PIEZO1: variants seen among roughly 807,000 people sequenced by gnomAD.
PIEZO1 encodes piezo type mechanosensitive ion channel component 1 (Er blood group), also known as piezo-type mechanosensitive ion channel component 1.
PIEZO1 carries 296 observed loss-of-function variants against 297.2 expected under a neutral mutation model. The observed-to-expected ratio is 1.00, with a 90% confidence interval of 0.91 to 1.10. The LOEUF (loss-of-function observed/expected upper bound fraction) is 1.10. Ranked by LOEUF, PIEZO1 falls within the 50% of genes least tolerant of loss-of-function variation. PIEZO1 has a pLI of 0.00. For missense variants in PIEZO1, 5,018 were observed against 3,455.5 expected (o/e 1.45, Z -11.34); for synonymous variants, 2,427 against 1,507.5 (o/e 1.61, Z -14.13).
chr16:88,725,909 A>C (rs1904391277), intron 27 of PIEZO1: 2 of 571,550 alleles, frequency 3.5e-6, no homozygotes, highest in Non-Finnish European at 6.2e-6. Context: ...GGTGGCACCC[A>C]CCCCACCACA....
intron 1 of PIEZO1, among the ~76,000 whole-genome samples, chr16:88,770,240 G>A (rs1207961761): frequency 1.3e-5 from 2 of 152,222 alleles, no homozygotes; most frequent in South Asian, 2.1e-4. Flanking sequence ...ACGCCTGGCA[G>A]GCGGCTCCCA....
At chr16:88,737,181 G>C (rs1205561269) in intron 10 of PIEZO1, 2 of 273,698 alleles carry the variant, frequency 7.3e-6, no homozygotes, top group African/African-American at 2.3e-5. Flanking sequence ...GCCAGCCCCT[G>C]CCCTGGACGA....
chr16:88,721,251 G>C lies in PIEZO1; in HGVS notation c.5583C>G (p.Leu1861=). 1.3e-6 allele frequency: 2 copies of C among 1,542,916 alleles called. No homozygotes were observed. Among genetic ancestry groups the C allele is most frequent in the Non-Finnish European group, 1.7e-6 (2 of 1,146,382 alleles). Reference sequence around the variant, plus strand: ...TGATGCGCCTCGTATCACGGGGCCTGAGCTCCACTTGGGGTTCTGGGGTCC... The same window carrying C: ...TGATGCGCCTCGTATCACGGGGCCTCAGCTCCACTTGGGGTTCTGGGGTCC... ...TDGTPEPQVE[L]RPRDTRRISL... Residue 1861 remains leucine (L), a synonymous_variant, in exon 39 of 51, where the codon CTC becomes CTG. Transcript: ENST00000301015.
intron 10 of PIEZO1, chr16:88,737,085 A>C (rs1449740579): frequency 8.2e-6 from 2 of 243,592 alleles, no homozygotes; most frequent in South Asian, 1.6e-4. Flanking sequence ...CAAAATGGAA[A>C]ATCAAGGGTT....
intron 1 of PIEZO1, among the ~76,000 whole-genome samples, chr16:88,778,561 C>T (rs914849401): frequency 8.5e-5 from 13 of 152,306 alleles, no homozygotes; most frequent in African/African-American, 3.1e-4. Flanking sequence ...TGGCCACGCA[C>T]GTCGGCCTAA....
intron 30 of PIEZO1, among the ~76,000 whole-genome samples, chr16:88,724,526 G>A (rs557495730): frequency 3.3e-4 from 44 of 135,042 alleles, no homozygotes; most frequent in African/African-American, 1.0e-3. Flanking sequence ...GCAAGACACC[G>A]TCTCCAAAAA....
intron 1 of PIEZO1, among the ~76,000 whole-genome samples, chr16:88,769,344 C>A (rs567705048): frequency 6.6e-6 from 1 of 152,216 alleles, no homozygotes; most frequent in East Asian, 1.9e-4. Flanking sequence ...GAGGCCACCA[C>A]GCCCAGAGCA....
intron 44 of PIEZO1, chr16:88,717,479 C>T (rs1324166367): frequency 5.6e-5 from 33 of 593,460 alleles, no homozygotes; most frequent in Admixed American, 9.0e-5. Context: ...GTGCAGGCAC[C>T]GCCCCAGGCA....
intron 5 of PIEZO1, chr16:88,739,543 T>A (rs1033259989): frequency 6.6e-6 from 1 of 152,168 alleles, no homozygotes; most frequent in Non-Finnish European, 1.5e-5. Flanking sequence ...GGCTGGACGA[T>A]AGGCCCCACC....
In PIEZO1 at chr16:88,742,392, A is replaced by G. The variant is rs1394166772; in HGVS notation, c.191T>C (p.Leu64Pro). The change falls in exon 3 of 51, where the codon CTG (leucine) becomes CCG (proline). Residue 64 changes from leucine (L) to proline (P), a missense_variant. Coordinates refer to ENST00000301015, the MANE Select transcript of PIEZO1 (RefSeq NM_001142864.4). ...GHTGRLLRAL[L>P]GLSLLFLVAH... The stretch of plus-strand genomic sequence containing the variant: ...CACCAGGAAGAGCAGGCTGAGGCCC[A>G]GCAATGCCCGCAGGAGGCGGCCTGT... 5 of 1,535,184 alleles carry G rather than the reference A, an allele frequency of 3.3e-6. No individual in the cohort carries two copies. The highest frequency in any genetic ancestry group is 2.7e-5 in the African/African-American group (2 of 73,018).
intron 29 of PIEZO1, 98 bp downstream of exon 29, chr16:88,725,318 C>G: frequency 1.2e-6 from 1 of 805,660 alleles, no homozygotes. Flanking sequence ...GGGCTGGGAG[C>G]CCTGTGGGAC....
chr16:88,779,565 G>A (rs1318693520), intron 1 of PIEZO1, among the ~76,000 whole-genome samples: 1 of 152,248 alleles, frequency 6.6e-6, no homozygotes, highest in African/African-American at 2.4e-5. Flanking sequence ...ACTTCTGGCT[G>A]CTGCCCAGAG....
chr16:88,734,131 C>A (rs1259506634), intron 16 of PIEZO1, 77 bp from the exon 17 acceptor site: 2 of 1,443,206 alleles, frequency 1.4e-6, no homozygotes, highest in Non-Finnish European at 1.8e-6. Flanking sequence ...GAAGCCCTGT[C>A]GGCACCGCTT....
At position 88,720,479 on chromosome 16, in the gene PIEZO1, G is replaced by T. The variant is rs1425848251; in HGVS notation, c.5855C>A (p.Thr1952Asn). Residue 1952 changes from threonine to asparagine, a missense_variant, in exon 41 of 51, where the codon ACC becomes AAC. Coordinates refer to ENST00000301015, the MANE Select transcript of PIEZO1 (RefSeq NM_001142864.4). Reference protein sequence around the residue: ...LRRFFHDILHTKYRAATDVYA... With the variant: ...LRRFFHDILHNKYRAATDVYA... The stretch of plus-strand genomic sequence containing the variant: ...GACGTCGGTGGCTGCGCGGTACTTG[G>T]TGTGCAGGATGTCGTGGAAGAAGCG... 1.3e-6 allele frequency: 2 copies of T among 1,550,300 alleles called. No individual in the cohort carries two copies. Among genetic ancestry groups the T allele is most frequent in the African/African-American group, 2.7e-5 (2 of 73,028 alleles).
chr16:88,773,048 C>T (rs529883403), intron 1 of PIEZO1, among the ~76,000 whole-genome samples: 3 of 152,362 alleles, frequency 2.0e-5, no homozygotes, highest in African/African-American at 7.2e-5. Flanking sequence ...CACCCAGAAG[C>T]TTCTGGCACT....
Position 88,784,945 on chromosome 16 carries a change from C to T in PIEZO1, c.20G>A (p.Gly7Asp). Residue 7 changes from glycine (G) to aspartate (D), a missense_variant, in exon 1 of 51, where the codon GGC (glycine) becomes GAC (aspartate). Coordinates refer to ENST00000301015, the MANE Select transcript of PIEZO1 (RefSeq NM_001142864.4). The part of the protein sequence containing the change: MEPHVL[G>D]AVLYWLLLPC... ...CAGCAGCAGCCAGTACAGGACCGCG[C>T]CGAGCACGTGCGGCTCCATGGCTGG... The T allele has an allele frequency of 7.2e-7, 1 of 1,392,276 alleles. No individual in the cohort carries two copies. The highest frequency in any genetic ancestry group is 9.4e-7 in the Non-Finnish European group (1 of 1,065,332). 86.2% of individuals were successfully genotyped at this position (1,392,276 alleles called of 1,614,324 possible).
At chr16:88,753,903 A>G (rs1467133785) in intron 1 of PIEZO1, among the ~76,000 whole-genome samples, 1 of 152,174 alleles carries the variant, frequency 6.6e-6, no homozygotes, top group Non-Finnish European at 1.5e-5. Context: ...GAAGGAAGAA[A>G]TTCAGCCAAA....
chr16:88,720,161 G>A lies in PIEZO1; in HGVS notation c.6072C>T (p.Arg2024=), dbSNP rs1249123109. ...AGGCCAGCTTGCCCAGCACGGTCTT[G>A]CGCAGGTAGAGGGCGCGGTCAACCA... ...TMVVDRALYL[R]KTVLGKLAFQ... Residue 2024 remains arginine, a synonymous_variant, in exon 42 of 51, where the codon CGC becomes CGT. Transcript: ENST00000301015. 6.4e-7 allele frequency: 1 copy of A among 1,550,514 alleles called. No individual in the cohort carries two copies. The highest frequency in any genetic ancestry group is 8.7e-7 in the Non-Finnish European group (1 of 1,146,990).
chr16:88,720,292 A>G lies in PIEZO1; in HGVS notation c.5950-9T>C, dbSNP rs771741197. ...GTGGCCGCCGAGTGCTTCTGTGGCC[A>G]GGAGAGCACAGGTCAGGGGGAGCCA... On this transcript the variant is annotated splice_polypyrimidine_tract_variant and intron_variant, in intron 41 of 50. Transcript: ENST00000301015. 1.9e-6 allele frequency: 3 copies of G among 1,550,192 alleles called. No homozygotes were observed. Among genetic ancestry groups the G allele is most frequent in the African/African-American group, 1.4e-5 (1 of 73,040 alleles).
Sources: allele counts gnomAD v4.1 joint callset (sites outside exome capture counted in the v4.1 genomes callset), GRCh38; gene constraint gnomAD v4.1.1; transcripts MANE v1.5; gene names NCBI Gene and HGNC (gene_info 2026-07-23, HGNC 2026-07-21).